The following MICALL2 variants were observed in gnomAD, a reference collection of about 807,000 sequenced individuals.
MICALL2 encodes MICAL like 2.
Under a neutral mutation model 91.1 loss-of-function variants are expected in MICALL2, and 111 were observed. The observed-to-expected ratio is 1.22, with a 90% CI of 1.04 to 1.43. The LOEUF (loss-of-function observed/expected upper bound fraction) is 1.43. MICALL2 is among the 40% of genes most tolerant of loss of function. MICALL2 has a pLI of 0.00. For synonymous variants in MICALL2, 694 were observed against 525.3 expected (o/e 1.32, Z -4.39); for missense variants, 1,556 against 1,236.0 (o/e 1.26, Z -3.88).
intron 6 of MICALL2, among the ~76,000 whole-genome samples, chr7:1,444,374 G>A (rs948011352): frequency 3.9e-5 from 6 of 152,190 alleles, no homozygotes; most frequent in African/African-American, 7.2e-5. Context: ...CAGCACAGGG[G>A]GCCCCGGAGC....
At chr7:1,434,968 G>T (rs973817319) in intron 16 of MICALL2, 133 bp downstream of exon 16, 41 of 936,052 alleles carry the variant, frequency 4.4e-5, no homozygotes, top group Non-Finnish European at 5.8e-5. Context: ...CAAGGCTGAG[G>T]GGGGGACCCG....
chr7:1,457,596 C>A (rs1288319846), intron 1 of MICALL2, among the ~76,000 whole-genome samples: 5 of 152,078 alleles, frequency 3.3e-5, no homozygotes, highest in African/African-American at 1.2e-4. Flanking sequence ...TGAGGAGATA[C>A]ACAGCGACCA....
chr7:1,452,566 A>C lies in MICALL2; in HGVS notation c.144-2278T>G, dbSNP rs1780874067. On this transcript the variant is annotated intron_variant, in intron 1 of 16. Coordinates refer to ENST00000297508, the MANE Select transcript of MICALL2 (RefSeq NM_182924.4). This position sits in a 1 kb window ranked among gnomAD's most constrained non-coding sequence, Gnocchi z 6.2. ...TGTCACAAGTCTGTTTTTTCTCTAA[A>C]CAAGCAGGAGGAGGAGGCTGTCTGC... is the stretch of plus-strand genomic sequence containing the variant. Among the ~76,000 whole-genome samples, 1 of 152,064 alleles carries C rather than the reference A, an allele frequency of 6.6e-6. No individual in the cohort carries two copies. Among genetic ancestry groups the C allele is most frequent in the South Asian group, 2.1e-4 (1 of 4,828 alleles).
chr7:1,446,628 G>A, intron 5 of MICALL2, 85 bp downstream of exon 5: 2 of 947,412 alleles, frequency 2.1e-6, no homozygotes, highest in Non-Finnish European at 3.3e-6. Context: ...GGGAGGAGGA[G>A]GCCGGGTGGG....
At chr7:1,447,490 G>C (rs1780651296) in intron 4 of MICALL2, 85 bp downstream of exon 4, 2 of 838,138 alleles carry the variant, frequency 2.4e-6, no homozygotes, top group Non-Finnish European at 3.7e-6. Flanking sequence ...CGTGGCTTAG[G>C]GGCCGCACGT....
At chr7:1,446,936 C>G in intron 4 of MICALL2, 108 bp from the exon 5 acceptor site, 2 of 753,090 alleles carry the variant, frequency 2.7e-6, no homozygotes, top group Admixed American at 6.5e-5. Context: ...GAGAACTGGC[C>G]AGGAGAGGAG....
intron 15 of MICALL2, among the ~76,000 whole-genome samples, chr7:1,436,008 C>T (rs981988683): frequency 5.3e-5 from 8 of 150,892 alleles, no homozygotes; most frequent in East Asian, 3.9e-4. Flanking sequence ...GCCGAGATTG[C>T]GGCCACTGCA....
Position 1,442,196 on chromosome 7 carries a change from CGTT to C in MICALL2, c.1704_1706del (p.Thr569del). On this transcript the variant is annotated inframe_deletion, in exon 7 of 17. Coordinates refer to ENST00000297508, the MANE Select transcript of MICALL2 (RefSeq NM_182924.4). ...GCCTCCCAGCCCCTTACTCACCCTG[CGTT>C]AAGGTGGTGCTTTTACCCTTTGCCA... 6.2e-7 allele frequency: 1 copy of C among 1,612,368 alleles called. No individual in the cohort carries two copies. The highest frequency in any genetic ancestry group is 8.5e-7 in the Non-Finnish European group (1 of 1,179,846).
chr7:1,458,198 G>A (rs1480103782), intron 1 of MICALL2, among the ~76,000 whole-genome samples: 1 of 152,234 alleles, frequency 6.6e-6, no homozygotes, highest in Non-Finnish European at 1.5e-5. Flanking sequence ...CCCCGGATCT[G>A]CGCAACGGGC....
At position 1,436,690 on chromosome 7, in the gene MICALL2, G is replaced by A. The variant is rs1485228560; in HGVS notation, c.2591+52C>T. On this transcript the variant is annotated intron_variant, in intron 15 of 16. Coordinates refer to ENST00000297508, the MANE Select transcript of MICALL2 (RefSeq NM_182924.4). ...GGCTGACCCTGAGGGCCGGGAGCATGGACCAGGCGACCTGGCCTGGCTGGG... is the reference window on the plus strand; with the variant it reads ...GGCTGACCCTGAGGGCCGGGAGCATAGACCAGGCGACCTGGCCTGGCTGGG... 2.8e-6 allele frequency: 4 copies of A among 1,413,770 alleles called. No homozygotes were observed. In the African/African-American group the frequency reaches 4.3e-5, roughly 15 times the overall value. The allele number at this position is 1,413,770 out of a possible 1,614,324, so 87.6% of individuals were successfully genotyped here. A position where few individuals can be genotyped will look rare whatever the true frequency, so the allele number is the denominator to read the frequency against.
intron 7 of MICALL2, 74 bp from the exon 8 acceptor site, chr7:1,440,758 C>T (rs1780242767): frequency 1.2e-5 from 15 of 1,286,102 alleles, no homozygotes; most frequent in Non-Finnish European, 1.6e-5. Context: ...GTGGCTGTGC[C>T]TCCCCCTGCC....
rs75321417 is a variant in MICALL2 at position 1,434,406 on chromosome 7, G to C, written c.*190C>G. On this transcript the variant is annotated 3_prime_UTR_variant, in exon 17 of 17. Transcript: ENST00000297508. Reference sequence around the variant, plus strand: ...CTTTATTGAGACCACAGACGGTAGCGCAGGTCCCTGCTGTCCACATGCCCC... The same window carrying C: ...CTTTATTGAGACCACAGACGGTAGCCCAGGTCCCTGCTGTCCACATGCCCC... The C allele has an allele frequency of 8.1e-5, 56 of 694,018 alleles. No homozygotes were observed. The highest frequency in any genetic ancestry group is 1.4e-4 in the Non-Finnish European group (53 of 379,688). The allele number at this position is 694,018 out of a possible 1,614,324, so 43.0% of individuals were successfully genotyped here.
Position 1,445,369 on chromosome 7 carries a change from C to A in MICALL2, c.701G>T (p.Gly234Val), listed in dbSNP as rs1221545150. ...GAGGTGGCTGGTGCAGACGAAGGTG[C>A]CCGGCTCTCCTGTGGCCTTGTAGGC... ...SGAYKATGEPGTFVCTSHLPA... is the reference protein window; with the variant it reads ...SGAYKATGEPVTFVCTSHLPA... Residue 234 changes from glycine (G) to valine (V), a missense_variant, in exon 6 of 17, where the codon GGC becomes GTC. Physicochemically the swap from Gly to Val is moderately radical, Grantham distance 109 (BLOSUM62 -3). Coordinates refer to ENST00000297508, the MANE Select transcript of MICALL2 (RefSeq NM_182924.4). 1.9e-6 allele frequency: 3 copies of A among 1,588,146 alleles called. 1 individual carries two copies. The African/African-American group carries it at 4.0e-5, about 21-fold the overall frequency.
chr7:1,457,012 A>T (rs573549590), intron 1 of MICALL2, among the ~76,000 whole-genome samples: 33 of 152,248 alleles, frequency 2.2e-4, no homozygotes, highest in African/African-American at 7.5e-4. Flanking sequence ...GGACTCCGAC[A>T]TCAAGGTGTG....
chr7:1,437,405 G>T (rs1020294084), intron 14 of MICALL2, 130 bp downstream of exon 14: 8 of 705,288 alleles, frequency 1.1e-5, no homozygotes, highest in African/African-American at 3.9e-5. Context: ...CTCAAACGTG[G>T]GCTCGCCTGG....
At position 1,438,306 on chromosome 7, in the gene MICALL2, C is replaced by A. The variant is rs1430787860; in HGVS notation, c.2170G>T (p.Val724Leu). ...ANVPALPGET[V>L]TSPVRLHPDY... ...CTACTCACCCTGACTGGGGAGGTCA[C>A]CGTCTCGCCAGGCAGAGCAGGGACA... The change falls in exon 11 of 17, where the codon GTG (valine) becomes TTG (leucine). Residue 724 changes from valine to leucine, a missense_variant. Val to Leu is a conservative substitution (Grantham distance 32). Coordinates refer to ENST00000297508, the MANE Select transcript of MICALL2 (RefSeq NM_182924.4). 5 of 1,602,496 alleles carry A rather than the reference C, an allele frequency of 3.1e-6. No homozygotes were observed. Among genetic ancestry groups the A allele is most frequent in the Non-Finnish European group, 4.3e-6 (5 of 1,175,436 alleles).
Position 1,438,939 on chromosome 7 carries a change from C to A in MICALL2, c.2023G>T (p.Val675Phe). Residue 675 changes from valine to phenylalanine, a missense_variant, in exon 10 of 17, where the codon GTT (valine) becomes TTT (phenylalanine). By Grantham distance (50) the Val-to-Phe change is conservative (BLOSUM62 -1). Coordinates refer to ENST00000297508, the MANE Select transcript of MICALL2 (RefSeq NM_182924.4). ...TCCGGCCGAAGCCAGTTGTCACAAACGTCGAGGCTGGCAGGGACGGCCAGT... is the reference window on the plus strand; with the variant it reads ...TCCGGCCGAAGCCAGTTGTCACAAAAGTCGAGGCTGGCAGGGACGGCCAGT... ...RRLAVPASLD[V>F]CDNWLRPEPP... 1.9e-6 allele frequency: 3 copies of A among 1,606,296 alleles called. No individual in the cohort carries two copies. The highest frequency in any genetic ancestry group is 2.5e-6 in the Non-Finnish European group (3 of 1,179,526).
intron 8 of MICALL2, 125 bp from the exon 9 acceptor site, chr7:1,440,210 C>A: frequency 8.5e-7 from 1 of 1,181,620 alleles, no homozygotes; most frequent in Admixed American, 2.7e-5. Flanking sequence ...CAAATGCCAC[C>A]TCCCAGCCCA....
Position 1,452,150 on chromosome 7 carries a change from C to T in MICALL2, c.144-1862G>A, listed in dbSNP as rs1780857872. ...AACAGGTTTCAGACGGCAGGACCAC[C>T]CGTCTGCACAGGCGGAGCTTCTGCA... On this transcript the variant is annotated intron_variant, in intron 1 of 16. Coordinates refer to ENST00000297508, the MANE Select transcript of MICALL2 (RefSeq NM_182924.4). This position sits in a 1 kb window ranked among gnomAD's most constrained non-coding sequence, Gnocchi z 6.2. Among the ~76,000 whole-genome samples, 1 of 152,140 alleles carries T rather than the reference C, an allele frequency of 6.6e-6. No individual in the cohort carries two copies. The highest frequency in any genetic ancestry group is 1.5e-5 in the Non-Finnish European group (1 of 68,014).
Sources: gnomAD v4.1 joint callset for allele counts (sites outside exome capture counted in the v4.1 genomes callset) on GRCh38, gnomAD v4.1.1 for gene constraint, Gnocchi (gnomAD v3.1) non-coding constraint, MANE v1.5 for transcripts, NCBI Gene and HGNC (gene_info 2026-07-23, HGNC 2026-07-21) for gene names.